Variants in DAAM2 observed in about 807,000 individuals in gnomAD.
DAAM2 encodes disheveled-associated activator of morphogenesis 2.
A neutral mutation model predicts 120.7 loss-of-function variants in DAAM2; 39 were observed. The observed-to-expected ratio is 0.32, with a 90% confidence interval of 0.25 to 0.42. The LOEUF is 0.42. DAAM2 is among the 10% of genes least tolerant of loss of function. The probability of loss-of-function intolerance (pLI) is 1.00; values close to 1 mark genes in which losing one functional copy is unlikely to be tolerated. For missense variants in DAAM2, 1,283 were observed against 1,401.7 expected, an observed-to-expected ratio of 0.92 and a Z score of 1.35; for synonymous variants, 488 against 524.9, an observed-to-expected ratio of 0.93 and a Z score of 0.96.
rs1405222458 is a variant in DAAM2 at position 39,904,000 on chromosome 6, G to C, written c.*1963G>C. The stretch of plus-strand genomic sequence containing the variant: ...GCAAGACAAGTGTTGGGGAAGATGG[G>C]AGGTTGTGGGTGAGGCCTCTAAAGG... On this transcript the variant is annotated 3_prime_UTR_variant, in exon 25 of 25. Coordinates refer to ENST00000274867, the MANE Select transcript of DAAM2 (RefSeq NM_001201427.2). 2.8e-6 allele frequency: 1 copy of C among 356,104 alleles called. No individual in the cohort carries two copies. Among genetic ancestry groups the C allele is most frequent in the Non-Finnish European group, 5.5e-6 (1 of 182,054 alleles). The allele number at this position is 356,104 out of a possible 1,614,324, so 22.1% of individuals were successfully genotyped here.
Position 39,901,598 on chromosome 6 carries a change from T to C in DAAM2, c.2982+126T>C. 8.7e-7 allele frequency: 1 copy of C among 1,143,826 alleles called. No homozygotes were observed. The highest frequency in any genetic ancestry group is 1.6e-5 in the South Asian group (1 of 63,452). The allele number at this position is 1,143,826 out of a possible 1,614,324, so 70.9% of individuals were successfully genotyped here. The stretch of plus-strand genomic sequence containing the variant: ...ACTGAGGAACACCATAGGGGTTGGA[T>C]GTCAGCCCCAGGAGAGAGAAACTTC... On this transcript the variant is annotated intron_variant, in intron 24 of 24. Coordinates refer to ENST00000274867, the MANE Select transcript of DAAM2 (RefSeq NM_001201427.2). This position sits in a 1 kb window ranked among gnomAD's most constrained non-coding sequence, Gnocchi z 4.5.
intron 5 of DAAM2, among the ~76,000 whole-genome samples, chr6:39,866,109 C>A (rs1764420390): frequency 6.6e-6 from 1 of 152,188 alleles, no homozygotes; most frequent in Non-Finnish European, 1.5e-5. Context: ...CCCCAGGAGA[C>A]TAGAAACAGC....
chr6:39,797,228 A>G (rs991323632), intron 1 of DAAM2, among the ~76,000 whole-genome samples: 4 of 152,232 alleles, frequency 2.6e-5, no homozygotes, highest in African/African-American at 9.6e-5. Flanking sequence ...TAAAAAGCTC[A>G]AATACTGTCC....
chr6:39,879,342 T>G lies in DAAM2; in HGVS notation c.1710T>G (p.Gly570=), dbSNP rs1162180972. The G allele has an allele frequency of 7.3e-7, 1 of 1,361,434 alleles. No homozygotes were observed. Among genetic ancestry groups the G allele is most frequent in the Admixed American group, 2.2e-5 (1 of 46,074 alleles). The allele number at this position is 1,361,434 out of a possible 1,614,324, so 84.3% of individuals were successfully genotyped here. Residue 570 remains glycine (G), a synonymous_variant, in exon 14 of 25, where the codon GGT becomes GGG. Transcript: ENST00000274867. The part of the protein sequence containing the change: ...LPPGGPPTPP[G]APPCLGMGLP... ...CCGGGGGACCCCCGACTCCCCCAGG[T>G]GCCCCACCTTGCCTCGGCATGGGCC...
At chr6:39,826,099 C>A (rs1762663127) in intron 1 of DAAM2, among the ~76,000 whole-genome samples, 1 of 152,170 alleles carries the variant, frequency 6.6e-6, no homozygotes, top group African/African-American at 2.4e-5. Context: ...CAGCTTCTGC[C>A]TGCTGGCTTG....
chr6:39,864,078 A>G (rs1162976907), intron 3 of DAAM2, among the ~76,000 whole-genome samples: 2 of 152,238 alleles, frequency 1.3e-5, no homozygotes, highest in African/African-American at 4.8e-5. Flanking sequence ...ATAAAAATAA[A>G]CAGGAATCTG....
At chr6:39,872,930 G>A (rs1403885301) in intron 9 of DAAM2, among the ~76,000 whole-genome samples, 3 of 152,136 alleles carry the variant, frequency 2.0e-5, no homozygotes, top group Non-Finnish European at 4.4e-5. Context: ...TGTGTGAGGG[G>A]GTGCCACTGG....
chr6:39,878,186 C>G lies in DAAM2; in HGVS notation c.1302-17C>G. On this transcript the variant is annotated splice_polypyrimidine_tract_variant and intron_variant, in intron 11 of 24. Transcript: ENST00000274867. The surrounding 1 kb of genome is among the most constrained non-coding windows in gnomAD (Gnocchi z 5.0). ...TGGTCAACAATCACATTGCCCCTTC[C>G]CTCTATGCCCTGCCAGGCTCATCAA... 1 of 1,613,566 alleles carries G rather than the reference C, an allele frequency of 6.2e-7. No homozygotes were observed. Among genetic ancestry groups the G allele is most frequent in the South Asian group, 1.1e-5 (1 of 91,028 alleles).
At position 39,903,857 on chromosome 6, in the gene DAAM2, C is replaced by A. The variant is rs1766628761; in HGVS notation, c.*1820C>A. ...GGGATCTGAGCAAGTGCAAGCCTGG[C>A]TGACACAGGTGTGAAGAGGCCATCC... On this transcript the variant is annotated 3_prime_UTR_variant, in exon 25 of 25. Coordinates refer to ENST00000274867, the MANE Select transcript of DAAM2 (RefSeq NM_001201427.2). 3.7e-6 allele frequency: 1 copy of A among 269,924 alleles called. No individual in the cohort carries two copies. 16.7% of individuals were successfully genotyped at this position (269,924 alleles called of 1,614,324 possible).
chr6:39,835,339 A>G (rs572705665), intron 1 of DAAM2, among the ~76,000 whole-genome samples: 1 of 152,210 alleles, frequency 6.6e-6, no homozygotes, highest in Admixed American at 6.5e-5. Context: ...TATTTTATGT[A>G]TTTTCTGTGT....
At chr6:39,820,466 C>G (rs915910316) in intron 1 of DAAM2, 9 of 152,180 alleles carry the variant, frequency 5.9e-5, no homozygotes, top group Non-Finnish European at 1.3e-4. Flanking sequence ...AATTTTGCTA[C>G]TCTCCTTCCT....
intron 3 of DAAM2, chr6:39,861,229 C>T (rs1764199053): frequency 4.7e-6 from 3 of 637,170 alleles, no homozygotes; most frequent in South Asian, 4.7e-5. Context: ...TTCAAAAACG[C>T]TTAAAGCAGG....
chr6:39,875,590 G>C, intron 11 of DAAM2, 122 bp downstream of exon 11: 3 of 1,217,508 alleles, frequency 2.5e-6, no homozygotes, highest in Non-Finnish European at 3.4e-6. Context: ...TGAGTCTTGG[G>C]CAGCATGGTC....
rs564993115 is a variant in DAAM2 at position 39,814,647 on chromosome 6, G to C, written c.-57+22182G>C. ...CTAGGCAGCTTCTAGTTCCATGGAA[G>C]AGAATGTCTCCTGATTCCTCACTTT... On this transcript the variant is annotated intron_variant, in intron 1 of 24. Coordinates refer to ENST00000274867, the MANE Select transcript of DAAM2 (RefSeq NM_001201427.2). Among the ~76,000 whole-genome samples, 29 of 152,358 alleles carry C rather than the reference G, an allele frequency of 1.9e-4. No individual in the cohort carries two copies. In the South Asian group the frequency reaches 6.0e-3, roughly 32 times the overall value.
At chr6:39,891,225 T>A (rs1488491092) in intron 17 of DAAM2, 116 bp from the exon 18 acceptor site, 3 of 715,226 alleles carry the variant, frequency 4.2e-6, no homozygotes, top group Non-Finnish European at 7.3e-6. Flanking sequence ...TGAGGGTGCC[T>A]CCCTCTTTCA....
chr6:39,875,519 C>A, intron 11 of DAAM2, 51 bp downstream of exon 11: 1 of 1,584,940 alleles, frequency 6.3e-7, no homozygotes, highest in South Asian at 1.2e-5. Flanking sequence ...CCTCATCACT[C>A]TCCCACTCTG....
chr6:39,897,459 A>G (rs986458725), intron 21 of DAAM2, 177 bp downstream of exon 21: 3 of 542,282 alleles, frequency 5.5e-6, no homozygotes, highest in Non-Finnish European at 6.6e-6. Context: ...GCATAGAACA[A>G]TGTATTGCAA....
rs993713882 is a variant in DAAM2, at chr6:39,903,387, C to T, written c.*1350C>T. On this transcript the variant is annotated 3_prime_UTR_variant, in exon 25 of 25. Coordinates refer to ENST00000274867, the MANE Select transcript of DAAM2 (RefSeq NM_001201427.2). ...TACCCAATTTGGTTCTTCAGCCCAACTTGCAAGGGGTTCCTTCTGGTCCTC... is the reference window on the plus strand; with the variant it reads ...TACCCAATTTGGTTCTTCAGCCCAATTTGCAAGGGGTTCCTTCTGGTCCTC... The T allele has an allele frequency of 1.3e-5, 2 of 152,308 alleles. No homozygotes were observed. The highest frequency in any genetic ancestry group is 2.9e-5 in the Non-Finnish European group (2 of 68,070). 9.4% of individuals were successfully genotyped at this position (152,308 alleles called of 1,614,324 possible).
At chr6:39,853,073 G>C (rs1763873541) in intron 1 of DAAM2, among the ~76,000 whole-genome samples, 1 of 152,202 alleles carries the variant, frequency 6.6e-6, no homozygotes, top group Admixed American at 6.5e-5. Flanking sequence ...GACAAGGTCT[G>C]CTGGGGCAGT....
Sources: allele counts gnomAD v4.1 joint callset (sites outside exome capture counted in the v4.1 genomes callset), GRCh38; gene constraint gnomAD v4.1.1; non-coding constraint Gnocchi (gnomAD v3.1); transcripts MANE v1.5; gene names NCBI Gene and HGNC (gene_info 2026-07-23, HGNC 2026-07-21).